The following FOLR1 variants were observed in gnomAD, a reference collection of about 807,000 sequenced individuals.
The protein encoded by FOLR1 is folate receptor alpha.
In FOLR1, 11 loss-of-function variants were observed where a neutral mutation model predicts 22.8. The ratio of observed to expected loss-of-function variants is 0.48; its 90% CI spans 0.30 to 0.80. The LOEUF (loss-of-function observed/expected upper bound fraction) is 0.80, where lower values mean the gene tolerates loss of function less well. Among genes scored for constraint, FOLR1 ranks in the 30% least tolerant of loss-of-function variants. The pLI is 0.06. For synonymous variants in FOLR1, 108 were observed against 116.5 expected (o/e 0.93, Z 0.47); for missense variants, 273 against 320.3 (o/e 0.85, Z 1.13).
chr11:72,190,447 G>A (rs1540087), upstream of FOLR1: 5,821 of 152,272 alleles, frequency 0.038, 206 homozygotes, highest in African/African-American at 0.092. Flanking sequence ...CCTTGCAGGA[G>A]AAAGCTAAGC....
rs1555069300 is a variant in FOLR1 at position 72,196,104 on chromosome 11, G to A, written c.701G>A (p.Ser234Asn). Residue 234 changes from serine (S) to asparagine (N), a missense_variant, in exon 4 of 4, where the codon AGT becomes AAT. By Grantham distance (46) the Ser-to-Asn change is conservative (BLOSUM62 1). Coordinates refer to ENST00000393676, the MANE Select transcript of FOLR1 (RefSeq NM_016729.3). ...EVARFYAAAM[S>N]GAGPWAAWPF... The stretch of plus-strand genomic sequence containing the variant: ...GCGAGGTTCTATGCTGCAGCCATGA[G>A]TGGGGCTGGGCCCTGGGCAGCCTGG... 1 of 1,614,210 alleles carries A rather than the reference G, an allele frequency of 6.2e-7. No homozygotes were observed. The highest frequency in any genetic ancestry group is 8.5e-7 in the Non-Finnish European group (1 of 1,180,042).
In FOLR1 at chr11:72,196,076, G is replaced by A; in HGVS notation, c.673G>A (p.Val225Met). Residue 225 changes from valine (V) to methionine (M), a missense_variant, in exon 4 of 4, where the codon GTG becomes ATG. By Grantham distance (21) the Val-to-Met change is conservative (BLOSUM62 1). Transcript: ENST00000393676. ...DPAQGNPNEE[V>M]ARFYAAAMSG... ...AGCCCAGGGCAACCCCAATGAGGAG[G>A]TGGCGAGGTTCTATGCTGCAGCCAT... 6.2e-7 allele frequency: 1 copy of A among 1,614,236 alleles called. No homozygotes were observed. The highest frequency in any genetic ancestry group is 8.5e-7 in the Non-Finnish European group (1 of 1,180,052).
At chr11:72,190,996 G>A (rs192255091), upstream of FOLR1, among the ~76,000 whole-genome samples, 1 of 152,332 alleles carries the variant, frequency 6.6e-6, no homozygotes, top group Non-Finnish European at 1.5e-5. Flanking sequence ...AGAAGTCATA[G>A]GAAATAAATT....
At position 72,196,298 on chromosome 11, in the gene FOLR1, C is replaced by T. The variant is rs566189195; in HGVS notation, c.*121C>T. 1.0e-4 allele frequency: 97 copies of T among 963,308 alleles called. No individual in the cohort carries two copies. The highest frequency in any genetic ancestry group is 8.0e-4 in the South Asian group (58 of 72,172). 59.7% of individuals were successfully genotyped at this position (963,308 alleles called of 1,614,324 possible). On this transcript the variant is annotated 3_prime_UTR_variant, in exon 4 of 4. Coordinates refer to ENST00000393676, the MANE Select transcript of FOLR1 (RefSeq NM_016729.3). ...GCCACTTTGAATAAACCAGACACCG[C>T]ACATGTGTCTTGAGAATTATTTGGA...
At chr11:72,194,319 T>C (rs761765433) in intron 1 of FOLR1, among the ~76,000 whole-genome samples, 1 of 152,220 alleles carries the variant, frequency 6.6e-6, no homozygotes, top group Non-Finnish European at 1.5e-5. Context: ...AAACAGATAA[T>C]GGGTGAGGCA....
In FOLR1 at chr11:72,192,258, G is replaced by C; in HGVS notation, c.85G>C (p.Ala29Pro). 6.2e-7 allele frequency: 1 copy of C among 1,614,166 alleles called. No homozygotes were observed. The highest frequency in any genetic ancestry group is 8.5e-7 in the Non-Finnish European group (1 of 1,180,034). ...VGEAQTRIAW[A>P]RTELLNVCMN... ...GGAGGCTCAGACAAGGATTGCATGGGCCAGGACTGAGCTTCTCAATGTCTG... is the reference window on the plus strand; with the variant it reads ...GGAGGCTCAGACAAGGATTGCATGGCCCAGGACTGAGCTTCTCAATGTCTG... Residue 29 changes from alanine (A) to proline (P), a missense_variant, in exon 1 of 4, where the codon GCC becomes CCC. By Grantham distance (27) the Ala-to-Pro change is conservative. Transcript: ENST00000393676.
Position 72,192,168 on chromosome 11 carries a change from A to G in FOLR1, c.-6A>G, listed in dbSNP as rs1264705461. On this transcript the variant is annotated 5_prime_UTR_variant, in exon 1 of 4. Coordinates refer to ENST00000393676, the MANE Select transcript of FOLR1 (RefSeq NM_016729.3). ...ACTGACCACAGCTCTTTCTTCAGGG[A>G]CAGACATGGCTCAGCGGATGACAAC... 2.5e-6 allele frequency: 4 copies of G among 1,614,084 alleles called. No homozygotes were observed. Among genetic ancestry groups the G allele is most frequent in the Non-Finnish European group, 3.4e-6 (4 of 1,179,968 alleles).
upstream of FOLR1, among the ~76,000 whole-genome samples, chr11:72,190,948 C>T (rs977843606): frequency 1.3e-5 from 2 of 152,174 alleles, no homozygotes; most frequent in African/African-American, 4.8e-5. Flanking sequence ...ACTTTAGCGA[C>T]TGGTATGTGG....
intron 1 of FOLR1, 88 bp downstream of exon 1, chr11:72,192,429 G>A: frequency 7.0e-7 from 1 of 1,423,892 alleles, no homozygotes. Flanking sequence ...ATTCACTGGT[G>A]AACTGAAGTG....
In FOLR1 at chr11:72,195,976, A is replaced by T. The variant is rs200414084; in HGVS notation, c.573A>T (p.Glu191Asp). Residue 191 changes from glutamate (E) to aspartate (D), a missense_variant, in exon 4 of 4, where the codon GAA (glutamate) becomes GAT (aspartate). By Grantham distance (45) the Glu-to-Asp change is conservative (BLOSUM62 2). Transcript: ENST00000393676. The part of the protein sequence containing the change: ...YFPTPTVLCN[E>D]IWTHSYKVSN... ...CCACACCCACTGTTCTGTGCAATGA[A>T]ATCTGGACTCACTCCTACAAGGTCA... 1.1e-5 allele frequency: 18 copies of T among 1,614,042 alleles called. No homozygotes were observed. The highest frequency in any genetic ancestry group is 2.7e-5 in the African/African-American group (2 of 74,918).
chr11:72,192,011 A>G (rs1013037631), upstream of FOLR1: 9 of 729,058 alleles, frequency 1.2e-5, no homozygotes, highest in Non-Finnish European at 2.1e-5. Flanking sequence ...GTCTAATCCT[A>G]CCTTTCATTG....
At position 72,196,041 on chromosome 11, in the gene FOLR1, G is replaced by A; in HGVS notation, c.638G>A (p.Trp213Ter). 1 of 1,614,224 alleles carries A rather than the reference G, an allele frequency of 6.2e-7. No homozygotes were observed. The change falls in exon 4 of 4, where the codon TGG becomes TAG. Residue 213 changes from tryptophan to a stop codon, truncating the protein, a stop_gained. Transcript: ENST00000393676. LOFTEE classifies it low-confidence loss of function (END_TRUNC). ...SRGSGRCIQM[W>*]FDPAQGNPNE... is the part of the protein sequence containing the mutation. ...GGGAGTGGCCGCTGCATCCAGATGTGGTTCGACCCAGCCCAGGGCAACCCC... is the reference window on the plus strand; with the variant it reads ...GGGAGTGGCCGCTGCATCCAGATGTAGTTCGACCCAGCCCAGGGCAACCCC...
Position 72,195,971 on chromosome 11 carries a change from A to G in FOLR1, c.568A>G (p.Asn190Asp). ...FYFPTPTVLC[N>D]EIWTHSYKVS... Reference sequence around the variant, plus strand: ...CTTCCCCACACCCACTGTTCTGTGCAATGAAATCTGGACTCACTCCTACAA... The same window carrying G: ...CTTCCCCACACCCACTGTTCTGTGCGATGAAATCTGGACTCACTCCTACAA... Residue 190 changes from asparagine to aspartate, a missense_variant, in exon 4 of 4, where the codon AAT becomes GAT. Transcript: ENST00000393676. 2 of 1,614,180 alleles carry G rather than the reference A, an allele frequency of 1.2e-6. No homozygotes were observed. Among genetic ancestry groups the G allele is most frequent in the Non-Finnish European group, 1.7e-6 (2 of 1,180,032 alleles).
At position 72,196,050 on chromosome 11, in the gene FOLR1, C is replaced by T. The variant is rs1241745334; in HGVS notation, c.647C>T (p.Pro216Leu). ...CGCTGCATCCAGATGTGGTTCGACC[C>T]AGCCCAGGGCAACCCCAATGAGGAG... is the stretch of plus-strand genomic sequence containing the variant. The part of the protein sequence containing the change: ...SGRCIQMWFD[P>L]AQGNPNEEVA... Residue 216 changes from proline to leucine, a missense_variant, in exon 4 of 4, where the codon CCA becomes CTA. Transcript: ENST00000393676. The T allele has an allele frequency of 3.7e-6, 6 of 1,614,228 alleles. No individual in the cohort carries two copies. Among genetic ancestry groups the T allele is most frequent in the Non-Finnish European group, 5.1e-6 (6 of 1,180,038 alleles).
At chr11:72,194,153 A>G (rs964464452) in intron 1 of FOLR1, among the ~76,000 whole-genome samples, 1 of 152,204 alleles carries the variant, frequency 6.6e-6, no homozygotes, top group Non-Finnish European at 1.5e-5. Flanking sequence ...ATAGGCACAC[A>G]GGAGCATAGT....
At chr11:72,193,542 G>A (rs1161143653) in intron 1 of FOLR1, among the ~76,000 whole-genome samples, 1 of 151,562 alleles carries the variant, frequency 6.6e-6, no homozygotes, top group Admixed American at 6.6e-5. Flanking sequence ...CACCTCCCAG[G>A]TTCAAGTGAT....
At chr11:72,195,832 T>A in intron 3 of FOLR1, 65 bp from the exon 4 acceptor site, 1 of 1,614,030 alleles carries the variant, frequency 6.2e-7, no homozygotes, top group Admixed American at 1.7e-5. Flanking sequence ...TTTGGAGTTG[T>A]AGGGCTGGCA....
rs750638602 is a variant in FOLR1, at chr11:72,195,728, G to C, written c.474G>C (p.Lys158Asn). The C allele has an allele frequency of 1.9e-6, 3 of 1,614,108 alleles. No individual in the cohort carries two copies. The highest frequency in any genetic ancestry group is 2.5e-6 in the Non-Finnish European group (3 of 1,180,058). ...TSYTCKSNWH[K>N]GWNWTSGFNK... ...ACACCTGCAAGAGCAACTGGCACAA[G>C]GGCTGGAACTGGACTTCAGGTGAGG... Residue 158 changes from lysine (K) to asparagine (N), a missense_variant, in exon 3 of 4, where the codon AAG becomes AAC. Lys to Asn is a moderately conservative substitution (Grantham distance 94). Transcript: ENST00000393676.
Position 72,195,877 on chromosome 11 carries a change from G to A in FOLR1, c.494-20G>A, listed in dbSNP as rs751350258. The A allele has an allele frequency of 2.4e-5, 38 of 1,614,072 alleles. No individual in the cohort carries two copies. The highest frequency in any genetic ancestry group is 1.6e-4 in the Middle Eastern group (1 of 6,084). On this transcript the variant is annotated intron_variant, in intron 3 of 3. Coordinates refer to ENST00000393676, the MANE Select transcript of FOLR1 (RefSeq NM_016729.3). ...ATAGTTCCGGGCCCAGTGGCTAAAG[G>A]TCTTCCCTCCTCTCTACAGGGTTTA... is the stretch of plus-strand genomic sequence containing the variant.
Sources: gnomAD v4.1 joint callset for allele counts (sites outside exome capture counted in the v4.1 genomes callset) on GRCh38, gnomAD v4.1.1 for gene constraint, MANE v1.5 for transcripts, NCBI Gene and HGNC (gene_info 2026-07-23, HGNC 2026-07-21) for gene names.